MRE11: variants seen among roughly 807,000 people sequenced by gnomAD.
The protein encoded by MRE11 is double-strand break repair protein MRE11.
MRE11 carries 62 observed loss-of-function variants against 91.7 expected under a neutral mutation model. That is an observed-to-expected ratio of 0.68 (90% CI 0.55 to 0.84). The LOEUF (loss-of-function observed/expected upper bound fraction) is 0.84. Among genes scored for constraint, MRE11 ranks in the 40% least tolerant of loss-of-function variants. MRE11 has a pLI of 0.00. For missense variants in MRE11, 796 were observed against 852.9 expected (o/e 0.93, Z 0.83); for synonymous variants, 273 against 271.4 (o/e 1.01, Z -0.06).
At chr11:94,424,964 A>G (rs888058571) in intron 19 of MRE11, among the ~76,000 whole-genome samples, 10 of 152,210 alleles carry the variant, frequency 6.6e-5, no homozygotes, top group East Asian at 3.8e-4. Flanking sequence ...CAATCGTGCT[A>G]GAAAGGTTGA....
chr11:94,494,644 T>G (rs573916838), upstream of MRE11, among the ~76,000 whole-genome samples: 10 of 152,286 alleles, frequency 6.6e-5, no homozygotes, highest in Admixed American at 5.9e-4. Context: ...AAGTCATCAG[T>G]TTTGTTTCTT....
Position 94,492,862 on chromosome 11 carries a change from TAC to T in MRE11, c.-63_-62del. 1.3e-6 allele frequency: 2 copies of T among 1,483,134 alleles called. No individual in the cohort carries two copies. Among genetic ancestry groups the T allele is most frequent in the Non-Finnish European group, 9.3e-7 (1 of 1,073,380 alleles). 91.9% of individuals were successfully genotyped at this position (1,483,134 alleles called of 1,614,324 possible). On this transcript the variant is annotated 5_prime_UTR_variant, in exon 2 of 20. Transcript: ENST00000323929. ...CTTCTCCAAGAACCCCTGGGTACTG[TAC>T]TCAAATGTCAGAAAATGCACTCGAT... is the stretch of plus-strand genomic sequence containing the variant.
chr11:94,488,417 T>C (rs889850407), intron 3 of MRE11, among the ~76,000 whole-genome samples: 5 of 152,138 alleles, frequency 3.3e-5, no homozygotes, highest in African/African-American at 9.7e-5. Context: ...GAGCTAAAAA[T>C]GGAACTACCA....
intron 1 of MRE11, chr11:94,493,587 C>G (rs1947352460): frequency 6.6e-6 from 1 of 152,264 alleles, no homozygotes; most frequent in African/African-American, 2.4e-5. Flanking sequence ...GACCCCTCCC[C>G]TGCCCACTCG....
chr11:94,504,136 G>A, the MRE11 span, among the ~76,000 whole-genome samples: 2 of 152,204 alleles, frequency 1.3e-5, no homozygotes, highest in African/African-American at 2.4e-5. Flanking sequence ...ACCTTTTGGA[G>A]GTGATGGAAA....
chr11:94,509,566 C>T, the MRE11 span, among the ~76,000 whole-genome samples: 529 of 152,130 alleles, frequency 3.5e-3, 1 homozygote, highest in African/African-American at 0.012. Context: ...CCTCAGCCTC[C>T]GGAGTAGCTG....
the MRE11 span, among the ~76,000 whole-genome samples, chr11:94,506,266 C>T: frequency 2.3e-4 from 35 of 150,374 alleles, no homozygotes; most frequent in African/African-American, 8.1e-4. Flanking sequence ...GTACAGCAAA[C>T]TCCTGCAACA....
At chr11:94,447,585 T>C in intron 14 of MRE11, 147 bp from the exon 15 acceptor site, 3 of 818,176 alleles carry the variant, frequency 3.7e-6, no homozygotes, top group East Asian at 2.7e-5. Flanking sequence ...TCTCAGCACT[T>C]TGGGAGGCCG....
At chr11:94,511,488 T>A in the MRE11 span, among the ~76,000 whole-genome samples, 1 of 152,236 alleles carries the variant, frequency 6.6e-6, no homozygotes, top group Non-Finnish European at 1.5e-5. Flanking sequence ...TAGCCAAAAT[T>A]TCAATTTATC....
Position 94,439,404 on chromosome 11 carries a change from TATATC to T in MRE11, c.1868-2174_1868-2170del, listed in dbSNP as rs574686898. On this transcript the variant is annotated intron_variant, in intron 16 of 19. Transcript: ENST00000323929. ...TAATCAGTTAAGTTAGCGAAACCAT[TATATC>T]AAATCAATTAGATAAAAGACAAATT... Among the ~76,000 whole-genome samples the T allele has an allele frequency of 2.3e-4, 35 of 152,354 alleles. No individual in the cohort carries two copies. The East Asian group carries it at 6.6e-3, about 29-fold the overall frequency.
intron 13 of MRE11, among the ~76,000 whole-genome samples, chr11:94,456,918 C>A (rs1385672082): frequency 1.3e-5 from 2 of 152,120 alleles, no homozygotes; most frequent in Non-Finnish European, 2.9e-5. Context: ...GTTCTTTAAG[C>A]CCATTTATTT....
At chr11:94,452,226 A>T (rs1946129499) in intron 14 of MRE11, among the ~76,000 whole-genome samples, 1 of 151,936 alleles carries the variant, frequency 6.6e-6, no homozygotes, top group South Asian at 2.1e-4. Context: ...AGAAAGACCA[A>T]TACCCTACTC....
chr11:94,490,793 G>C (rs753151579), intron 3 of MRE11, 40 bp downstream of exon 3: 1 of 1,609,106 alleles, frequency 6.2e-7, no homozygotes, highest in South Asian at 1.1e-5. Flanking sequence ...GTTAACCAAG[G>C]GAATATGGTA....
chr11:94,419,909 T>G lies in MRE11; in HGVS notation c.*216A>C. On this transcript the variant is annotated 3_prime_UTR_variant, in exon 20 of 20. Coordinates refer to ENST00000323929, the MANE Select transcript of MRE11 (RefSeq NM_005591.4). The stretch of plus-strand genomic sequence containing the variant: ...TAAAATGGTAGCTTTATTTTAATCT[T>G]TACTCAAGAGTGATATTGAAACAAA... The G allele has an allele frequency of 5.5e-6, 2 of 366,424 alleles. No individual in the cohort carries two copies. The highest frequency in any genetic ancestry group is 1.2e-4 in the South Asian group (2 of 16,754). 22.7% of individuals were successfully genotyped at this position (366,424 alleles called of 1,614,324 possible).
chr11:94,452,899 A>T (rs1486781275), intron 14 of MRE11, among the ~76,000 whole-genome samples: 2 of 152,258 alleles, frequency 1.3e-5, no homozygotes, highest in Admixed American at 6.5e-5. Flanking sequence ...ATGTACATTC[A>T]CATGGTTATG....
chr11:94,492,660 T>A (rs1435624073), intron 2 of MRE11, 122 bp downstream of exon 2: 1 of 1,433,564 alleles, frequency 7.0e-7, no homozygotes, highest in Admixed American at 1.8e-5. Context: ...ATGACTAATA[T>A]TTCTGTTCAT....
chr11:94,454,619 T>G (rs1946200614), intron 14 of MRE11, among the ~76,000 whole-genome samples: 1 of 152,178 alleles, frequency 6.6e-6, no homozygotes, highest in African/African-American at 2.4e-5. Context: ...CCCAATTACA[T>G]TTTAGTCTTA....
chr11:94,481,034 T>C (rs918183113), intron 4 of MRE11, among the ~76,000 whole-genome samples: 4 of 152,178 alleles, frequency 2.6e-5, no homozygotes, highest in African/African-American at 9.7e-5. Flanking sequence ...TTAGGCCGGA[T>C]GCGGTGGCTC....
chr11:94,444,001 C>T (rs773396759), intron 16 of MRE11, among the ~76,000 whole-genome samples: 3 of 149,662 alleles, frequency 2.0e-5, no homozygotes, highest in Non-Finnish European at 4.4e-5. Context: ...TCCACCTTCT[C>T]GGTTCAAGTA....
Sources: gnomAD v4.1 joint callset for allele counts (sites outside exome capture counted in the v4.1 genomes callset) on GRCh38, gnomAD v4.1.1 for gene constraint, MANE v1.5 for transcripts, NCBI Gene and HGNC (gene_info 2026-07-23, HGNC 2026-07-21) for gene names.